Variants in MAP3K11 observed in about 807,000 individuals in gnomAD.
MAP3K11 encodes the protein mitogen-activated protein kinase kinase kinase 11.
Under a neutral mutation model 84.9 loss-of-function variants are expected in MAP3K11, and 46 were observed. The observed-to-expected ratio is 0.54, with a 90% CI of 0.43 to 0.69. MAP3K11 has a LOEUF of 0.69. Among genes scored for constraint, MAP3K11 ranks in the 30% least tolerant of loss-of-function variants. The pLI is 0.00. For synonymous variants in MAP3K11, 527 were observed against 514.7 expected (o/e 1.02, Z -0.32); for missense variants, 1,053 against 1,198.3 (o/e 0.88, Z 1.79).
At chr11:65,600,664 C>T (rs1034040847) in intron 8 of MAP3K11, among the ~76,000 whole-genome samples, 1 of 152,192 alleles carries the variant, frequency 6.6e-6, no homozygotes, top group Non-Finnish European at 1.5e-5. Flanking sequence ...ACAAGGGACT[C>T]TAGGATGGGC....
chr11:65,599,254 T>C, intron 9 of MAP3K11, 140 bp downstream of exon 9: 1 of 1,052,424 alleles, frequency 9.5e-7, no homozygotes, highest in Non-Finnish European at 1.3e-6. Flanking sequence ...GCGTCTTCAG[T>C]ACCCCGAATG....
At chr11:65,603,647 T>C (rs1418497139) in intron 8 of MAP3K11, among the ~76,000 whole-genome samples, 2 of 152,150 alleles carry the variant, frequency 1.3e-5, no homozygotes, top group Admixed American at 1.3e-4. Flanking sequence ...GGCTGTGAGG[T>C]CAATGTCATG....
chr11:65,607,319 G>A lies in MAP3K11; in HGVS notation c.1440C>T (p.Arg480=), dbSNP rs776887296. The change falls in exon 5 of 10, where the codon CGC becomes CGT. Residue 480 remains arginine (R), a synonymous_variant. Coordinates refer to ENST00000309100, the MANE Select transcript of MAP3K11 (RefSeq NM_002419.4). The part of the protein sequence containing the change: ...HVRRRRGTFK[R]SKLRARDGGE... ...CGCCGTCGCGCGCCCGGAGCTTGCT[G>A]CGCTTGAATGTCCCGCGGCGGCGGC... The A allele has an allele frequency of 2.6e-6, 4 of 1,521,842 alleles. No homozygotes were observed. In the East Asian group the frequency reaches 1.0e-4, roughly 39 times the overall value. The allele number at this position is 1,521,842 out of a possible 1,614,324, so 94.3% of individuals were successfully genotyped here.
chr11:65,607,836 C>A lies in MAP3K11; in HGVS notation c.1070-20G>T. The A allele has an allele frequency of 1.9e-6, 3 of 1,607,406 alleles. No individual in the cohort carries two copies. The highest frequency in any genetic ancestry group is 1.7e-6 in the Non-Finnish European group (2 of 1,175,182). ...AGCAGTCTAGGGGCACGGCGTGCAGCGGGGACAGAATAAGAAGGGGTCCGT... is the reference window on the plus strand; with the variant it reads ...AGCAGTCTAGGGGCACGGCGTGCAGAGGGGACAGAATAAGAAGGGGTCCGT... On this transcript the variant is annotated intron_variant, in intron 3 of 9. Transcript: ENST00000309100.
chr11:65,599,548 C>A lies in MAP3K11; in HGVS notation c.2052G>T (p.Ala684=). The A allele has an allele frequency of 6.7e-7, 1 of 1,490,078 alleles. No individual in the cohort carries two copies. The allele number at this position is 1,490,078 out of a possible 1,614,324, so 92.3% of individuals were successfully genotyped here. ...AAGGGGGCGGCTCGGTCGGGCAGGG[C>A]GCGGGCGTTGGCGTGGGGGGTGTTG... ...SPTTPPTPTP[A]PCPTEPPPSP... Residue 684 remains alanine, a synonymous_variant, in exon 9 of 10, where the codon GCG becomes GCT. Transcript: ENST00000309100.
chr11:65,608,472 G>A, intron 1 of MAP3K11, 24 bp from the exon 2 acceptor site: 1 of 1,611,344 alleles, frequency 6.2e-7, no homozygotes, highest in Non-Finnish European at 8.5e-7. Context: ...GCCAGATTGT[G>A]GATGCTCCAG....
chr11:65,605,385 C>A (rs1190591729), intron 8 of MAP3K11, among the ~76,000 whole-genome samples: 1 of 152,230 alleles, frequency 6.6e-6, no homozygotes, highest in Non-Finnish European at 1.5e-5. Flanking sequence ...TTCCTTCCCC[C>A]ATCTGGGTCC....
At chr11:65,602,237 A>C (rs1238314119) in intron 8 of MAP3K11, among the ~76,000 whole-genome samples, 1 of 124,374 alleles carries the variant, frequency 8.0e-6, no homozygotes, top group East Asian at 2.5e-4. Context: ...AGAGGCTGGG[A>C]GTGGTGGCTC....
At chr11:65,604,913 G>T (rs1189172816) in intron 8 of MAP3K11, among the ~76,000 whole-genome samples, 4 of 152,140 alleles carry the variant, frequency 2.6e-5, no homozygotes, top group African/African-American at 9.7e-5. Flanking sequence ...GAGCTGGGCA[G>T]TGTTGAGCTG....
chr11:65,607,538 A>G (rs760451378), intron 4 of MAP3K11, 25 bp from the exon 5 acceptor site: 1 of 1,552,900 alleles, frequency 6.4e-7, no homozygotes, highest in East Asian at 2.3e-5. Flanking sequence ...GCGATGGTGG[A>G]GAGGTCAGCC....
At chr11:65,612,364 G>C (rs1032108954) in intron 1 of MAP3K11, 4 of 152,278 alleles carry the variant, frequency 2.6e-5, no homozygotes, top group African/African-American at 9.6e-5. Context: ...CCCTCTTGGC[G>C]ATCCAGCCCT....
Position 65,599,159 on chromosome 11 carries a change from G to A in MAP3K11, c.2206+235C>T, listed in dbSNP as rs192939587. 2.2e-3 allele frequency among the ~76,000 whole-genome samples: 337 copies of A among 152,222 alleles called. 1 individual carries two copies. Among genetic ancestry groups the A allele is most frequent in the Middle Eastern group, 6.8e-3 (2 of 294 alleles). On this transcript the variant is annotated intron_variant, in intron 9 of 9. Coordinates refer to ENST00000309100, the MANE Select transcript of MAP3K11 (RefSeq NM_002419.4). ...ACAGGCGTGCACCACTGCCTGGCCC[G>A]ATTACTTCTTTTATTTCACAGCAGG...
rs528038802 is a variant in MAP3K11 at position 65,599,150 on chromosome 11, G to A, written c.2206+244C>T. 5.3e-5 allele frequency among the ~76,000 whole-genome samples: 8 copies of A among 152,280 alleles called. No individual in the cohort carries two copies. The East Asian group carries it at 1.5e-3, about 29-fold the overall frequency. On this transcript the variant is annotated intron_variant, in intron 9 of 9. Coordinates refer to ENST00000309100, the MANE Select transcript of MAP3K11 (RefSeq NM_002419.4). ...GCTGGGATCACAGGCGTGCACCACT[G>A]CCTGGCCCGATTACTTCTTTTATTT...
chr11:65,607,413 TC>T lies in MAP3K11; in HGVS notation c.1345del (p.Glu449SerfsTer2). ...CAGCTCGCGCTCGAACACCTCTAGCTCCCACTGGGCCAGCAGGTGCTCGCGC... is the reference window on the plus strand; with the variant it reads ...CAGCTCGCGCTCGAACACCTCTAGCTCCACTGGGCCAGCAGGTGCTCGCGC... ...RRREHLLAQW[E>X]LEVFERELTL... On this transcript the variant is annotated frameshift_variant, in exon 5 of 10. Coordinates refer to ENST00000309100, the MANE Select transcript of MAP3K11 (RefSeq NM_002419.4). LOFTEE classifies it high-confidence loss of function. 6.6e-7 allele frequency: 1 copy of T among 1,512,040 alleles called. No individual in the cohort carries two copies. The allele number at this position is 1,512,040 out of a possible 1,614,324, so 93.7% of individuals were successfully genotyped here. A position where few individuals can be genotyped will look rare whatever the true frequency, so the allele number is the denominator to read the frequency against.
intron 8 of MAP3K11, among the ~76,000 whole-genome samples, chr11:65,600,144 C>G (rs1300248842): frequency 6.6e-6 from 1 of 152,210 alleles, no homozygotes; most frequent in Non-Finnish European, 1.5e-5. Flanking sequence ...CTGGGACCGG[C>G]GCCCTGTGCT....
chr11:65,608,114 C>A (rs1460838759), intron 2 of MAP3K11, 44 bp from the exon 3 acceptor site: 1 of 1,603,744 alleles, frequency 6.2e-7, no homozygotes, highest in African/African-American at 1.3e-5. Flanking sequence ...TCTCTCCCAA[C>A]CCCCACCCCC....
At chr11:65,600,623 T>C (rs1224703320) in intron 8 of MAP3K11, among the ~76,000 whole-genome samples, 2 of 152,180 alleles carry the variant, frequency 1.3e-5, no homozygotes, top group African/African-American at 4.8e-5. Context: ...TCTAGACCAC[T>C]TGGGCAGGGA....
At position 65,608,457 on chromosome 11, in the gene MAP3K11, G is replaced by A. The variant is rs780448440; in HGVS notation, c.740-9C>T. On this transcript the variant is annotated splice_polypyrimidine_tract_variant and intron_variant, in intron 1 of 9. Coordinates refer to ENST00000309100, the MANE Select transcript of MAP3K11 (RefSeq NM_002419.4). ...GGGCTGCAGCAGCAAAACTAGAGAA[G>A]AGGGGCCAGATTGTGGATGCTCCAG... 2 of 1,613,858 alleles carry A rather than the reference G, an allele frequency of 1.2e-6. No homozygotes were observed. The highest frequency in any genetic ancestry group is 2.2e-5 in the South Asian group (2 of 91,068).
Position 65,605,796 on chromosome 11 carries a change from G to A in MAP3K11, c.1796C>T (p.Pro599Leu), listed in dbSNP as rs778810390. The A allele has an allele frequency of 1.5e-5, 24 of 1,612,796 alleles. No homozygotes were observed. Among genetic ancestry groups the A allele is most frequent in the Non-Finnish European group, 2.0e-5 (23 of 1,179,460 alleles). ...TGGGGGTGTGGAAGGAGATCCTAAGGGGGATGAGTCATCTGAATCCAGGTA... is the reference window on the plus strand; with the variant it reads ...TGGGGGTGTGGAAGGAGATCCTAAGAGGGATGAGTCATCTGAATCCAGGTA... ...TWYLDSDDSSPLGSPSTPPAL... is the reference protein window; with the variant it reads ...TWYLDSDDSSLLGSPSTPPAL... The change falls in exon 8 of 10, where the codon CCC (proline) becomes CTC (leucine). Residue 599 changes from proline (P) to leucine (L), a missense_variant. Around this residue, in one of 3 missense-constraint regions of MAP3K11, gnomAD observed 583 missense variants for 566.6 expected, o/e 1.03. Transcript: ENST00000309100.
Sources: gnomAD v4.1 joint callset for allele counts (sites outside exome capture counted in the v4.1 genomes callset) on GRCh38, gnomAD v4.1.1 for gene constraint, gnomAD v4.1.1 regional missense constraint, MANE v1.5 for transcripts, NCBI Gene and HGNC (gene_info 2026-07-23, HGNC 2026-07-21) for gene names.